Variants in USP8 observed in about 807,000 individuals in gnomAD.
USP8 encodes ubiquitin carboxyl-terminal hydrolase 8.
Under a neutral mutation model 130.0 loss-of-function variants are expected in USP8, and 27 were observed. The ratio of observed to expected loss-of-function variants is 0.21; its 90% CI spans 0.15 to 0.29. USP8 has a LOEUF of 0.29. Ranked by LOEUF, USP8 falls within the 10% of genes least tolerant of loss-of-function variation. The pLI is 1.00. For synonymous variants in USP8, 392 were observed against 444.1 expected (o/e 0.88, Z 1.48); for missense variants, 1,029 against 1,312.2 (o/e 0.78, Z 3.33).
At position 50,498,929 on chromosome 15, in the gene USP8, C is replaced by A; in HGVS notation, c.3198C>A (p.Gly1066=). 6.2e-7 allele frequency: 1 copy of A among 1,612,818 alleles called. No individual in the cohort carries two copies. The highest frequency in any genetic ancestry group is 8.5e-7 in the Non-Finnish European group (1 of 1,179,330). ...ATCACTACGGTGGGCTGGATGGAGG[C>A]CACTACACAGCCTATTGTAAAAATG... ...VSNHYGGLDG[G]HYTAYCKNAA... is the part of the protein sequence containing the mutation. Residue 1066 remains glycine, a synonymous_variant, in exon 20 of 20, where the codon GGC becomes GGA. Coordinates refer to ENST00000307179, the MANE Select transcript of USP8 (RefSeq NM_005154.5).
chr15:50,427,027 C>T (rs950779299), intron 1 of USP8: 1 of 149,818 alleles, frequency 6.7e-6, no homozygotes, highest in Non-Finnish European at 1.5e-5. Flanking sequence ...GATCTCAGCT[C>T]ACTGCAACCT....
intron 12 of USP8, among the ~76,000 whole-genome samples, chr15:50,487,484 TAG>T (rs1442186496): frequency 6.6e-6 from 1 of 152,024 alleles, no homozygotes; most frequent in Non-Finnish European, 1.5e-5. Context: ...GACTAAAAAA[TAG>T]AAAGTGAAAA....
chr15:50,478,739 T>G (rs995051894), intron 10 of USP8, among the ~76,000 whole-genome samples: 3 of 152,168 alleles, frequency 2.0e-5, no homozygotes, highest in Admixed American at 2.0e-4. Context: ...TTCAGACATA[T>G]TTTGAAGATC....
In USP8 at chr15:50,466,023, TAAG is replaced by T. The variant is rs1276996134; in HGVS notation, c.686+836_686+838del. Among the ~76,000 whole-genome samples the T allele has an allele frequency of 2.0e-5, 3 of 152,288 alleles. No homozygotes were observed. The East Asian group carries it at 5.8e-4, about 29-fold the overall frequency. On this transcript the variant is annotated intron_variant, in intron 7 of 19. Transcript: ENST00000307179. ...TTAAATTTTTTTCTTTCTTTTTTGG[TAAG>T]AAGGCCTTTAACCTATGAAATAATT...
chr15:50,493,308 C>T lies in USP8; in HGVS notation c.2447+395C>T, dbSNP rs1174359473. 7.7e-6 allele frequency: 4 copies of T among 520,314 alleles called. No homozygotes were observed. In the African/African-American group the frequency reaches 7.7e-5, roughly 10 times the overall value. 32.2% of individuals were successfully genotyped at this position (520,314 alleles called of 1,614,324 possible). ...ATATTTGACGTGAATCTGGTGGTAA[C>T]CTATGAATAAGTAAGCATTTTGGTG... On this transcript the variant is annotated intron_variant, in intron 15 of 19. Coordinates refer to ENST00000307179, the MANE Select transcript of USP8 (RefSeq NM_005154.5).
rs1048860016 is a variant in USP8 at position 50,505,213 on chromosome 15, A to G, written c.*6125A>G. On this transcript the variant is annotated 3_prime_UTR_variant, in exon 20 of 20. Coordinates refer to ENST00000307179, the MANE Select transcript of USP8 (RefSeq NM_005154.5). Reference sequence around the variant, plus strand: ...ATGAATCTTCACATTTAGGAAATGCAGCGAGCCAGGGATAAATAAAAATAA... The same window carrying G: ...ATGAATCTTCACATTTAGGAAATGCGGCGAGCCAGGGATAAATAAAAATAA... 2 of 152,162 alleles carry G rather than the reference A, an allele frequency of 1.3e-5. No individual in the cohort carries two copies. The highest frequency in any genetic ancestry group is 2.9e-5 in the Non-Finnish European group (2 of 68,030). The allele number at this position is 152,162 out of a possible 1,614,324, so 9.4% of individuals were successfully genotyped here.
At chr15:50,473,806 A>G (rs1231560082) in intron 8 of USP8, among the ~76,000 whole-genome samples, 2 of 148,766 alleles carry the variant, frequency 1.3e-5, no homozygotes, top group East Asian at 2.0e-4. Flanking sequence ...GCATCTAAGT[A>G]TATATATATA....
rs2050327028 is a variant in USP8, at chr15:50,443,564, A to G, written c.249+2071A>G. 2.0e-5 allele frequency among the ~76,000 whole-genome samples: 3 copies of G among 151,780 alleles called. No homozygotes were observed. The South Asian group carries it at 6.3e-4, about 32-fold the overall frequency. On this transcript the variant is annotated intron_variant, in intron 3 of 19. Coordinates refer to ENST00000307179, the MANE Select transcript of USP8 (RefSeq NM_005154.5). The stretch of plus-strand genomic sequence containing the variant: ...GGTAGCTCAATCTCGGCTCACTGCA[A>G]CCTCTGCCTCCCAGGTTCAAGCGGT...
At chr15:50,486,813 C>G (rs2051977072) in intron 12 of USP8, among the ~76,000 whole-genome samples, 1 of 152,096 alleles carries the variant, frequency 6.6e-6, no homozygotes, top group African/African-American at 2.4e-5. Context: ...GATGGGTGCA[C>G]TAAAATCTCA....
chr15:50,497,025 G>T, intron 17 of USP8, 64 bp from the exon 18 acceptor site: 1 of 1,534,908 alleles, frequency 6.5e-7, no homozygotes, highest in Non-Finnish European at 8.7e-7. Context: ...AACTAAATAG[G>T]TGCTCTCTGA....
At chr15:50,445,024 C>T (rs948989140) in intron 3 of USP8, among the ~76,000 whole-genome samples, 1 of 152,046 alleles carries the variant, frequency 6.6e-6, no homozygotes, top group Non-Finnish European at 1.5e-5. Context: ...TCCCAAAGTG[C>T]TGGGATTACA....
At chr15:50,498,554 T>TATC (rs1566895183) in intron 18 of USP8, 42 bp from the exon 19 acceptor site, 1 of 1,552,106 alleles carries the variant, frequency 6.4e-7, no homozygotes, top group Admixed American at 1.9e-5. Flanking sequence ...TTCATCCTGG[T>TATC]ATCTTCCTCT....
rs1471227937 is a variant in USP8 at position 50,484,381 on chromosome 15, A to G, written c.1890+20A>G. The G allele has an allele frequency of 3.2e-6, 5 of 1,587,166 alleles. No homozygotes were observed. In the Admixed American group the frequency reaches 8.8e-5, roughly 28 times the overall value. ...AATAAAGTAAGTAGTTTATTGCAGG[A>G]AAAAACTGGAAAAAAAAGCCAAACA... On this transcript the variant is annotated intron_variant, in intron 12 of 19. Transcript: ENST00000307179.
intron 3 of USP8, among the ~76,000 whole-genome samples, 157 bp downstream of exon 3, chr15:50,441,650 A>G (rs1407349175): frequency 1.3e-5 from 2 of 152,210 alleles, no homozygotes; most frequent in South Asian, 2.1e-4. Flanking sequence ...ATACAGTGTT[A>G]TTATTTACAA....
chr15:50,494,347 T>A (rs1307095078), intron 16 of USP8, 67 bp downstream of exon 16: 3 of 1,383,808 alleles, frequency 2.2e-6, no homozygotes, highest in Admixed American at 2.4e-5. Context: ...TGTATTTTTA[T>A]AGCAGTTTAA....
chr15:50,436,501 T>G (rs1464708187), intron 1 of USP8, among the ~76,000 whole-genome samples: 1 of 152,194 alleles, frequency 6.6e-6, no homozygotes, highest in Non-Finnish European at 1.5e-5. Flanking sequence ...TTTGTTGGTT[T>G]TTTTGTTTTG....
At chr15:50,443,477 G>GT (rs1453798350) in intron 3 of USP8, among the ~76,000 whole-genome samples, 1 of 150,966 alleles carries the variant, frequency 6.6e-6, no homozygotes, top group Non-Finnish European at 1.5e-5. Context: ...TAGTTACTAG[G>GT]TTTTTTTTGT....
At chr15:50,446,991 C>T (rs184815430) in intron 3 of USP8, among the ~76,000 whole-genome samples, 1 of 152,158 alleles carries the variant, frequency 6.6e-6, no homozygotes, top group Non-Finnish European at 1.5e-5. Context: ...AAAATTAAAT[C>T]TTTTGCTATA....
intron 8 of USP8, among the ~76,000 whole-genome samples, chr15:50,474,055 A>T (rs1595955804): frequency 6.6e-6 from 1 of 152,138 alleles, no homozygotes; most frequent in East Asian, 1.9e-4. Flanking sequence ...CCCAGGCCAA[A>T]GTGCAGTGGT....
Sources: gnomAD v4.1 joint callset for allele counts (sites outside exome capture counted in the v4.1 genomes callset) on GRCh38, gnomAD v4.1.1 for gene constraint, MANE v1.5 for transcripts, NCBI Gene and HGNC (gene_info 2026-07-23, HGNC 2026-07-21) for gene names.